The following KCTD19 variants were observed in gnomAD, a reference collection of about 807,000 sequenced individuals.
KCTD19 encodes the protein potassium channel tetramerization domain containing 19, also known as BTB/POZ domain-containing protein KCTD19.
Under a neutral mutation model 103.5 loss-of-function variants are expected in KCTD19, and 67 were observed. The ratio of observed to expected loss-of-function variants is 0.65; its 90% CI spans 0.53 to 0.79. KCTD19 has a LOEUF of 0.79. Among genes scored for constraint, KCTD19 ranks in the 30% least tolerant of loss-of-function variants. KCTD19 has a pLI of 0.00. For synonymous variants in KCTD19, 439 were observed against 452.2 expected (o/e 0.97, Z 0.37); for missense variants, 980 against 1,136.1 (o/e 0.86, Z 1.98).
chr16:67,294,011 T>C lies in KCTD19; in HGVS notation c.1751A>G (p.Asn584Ser). 1 of 1,614,098 alleles carries C rather than the reference T, an allele frequency of 6.2e-7. No individual in the cohort carries two copies. Among genetic ancestry groups the C allele is most frequent in the Admixed American group, 1.7e-5 (1 of 60,008 alleles). The change falls in exon 12 of 16, where the codon AAC becomes AGC. Residue 584 changes from asparagine to serine, a missense_variant. Asn to Ser is a conservative substitution (Grantham distance 46). Coordinates refer to ENST00000304372, the MANE Select transcript of KCTD19 (RefSeq NM_001100915.3). ...SLCRNAKRAG[N>S]PSTYSHCRGL... ...ACGGCAGTGTGAGTATGTGCTAGGG[T>C]TGCCAGCCCTCTTGGCATTTCGGCA... is the stretch of plus-strand genomic sequence containing the variant.
At chr16:67,304,373 G>A (rs760198569) in intron 3 of KCTD19, 48 bp downstream of exon 3, 1 of 1,595,634 alleles carries the variant, frequency 6.3e-7, no homozygotes, top group African/African-American at 1.3e-5. Context: ...GGTGAGGAGA[G>A]GGAAAGTTGG....
intron 4 of KCTD19, chr16:67,302,823 A>G (rs1039379754): frequency 4.1e-5 from 14 of 342,858 alleles, no homozygotes; most frequent in Non-Finnish European, 6.4e-5. Context: ...GGGCAGAGTA[A>G]GAAGAGAAGC....
At position 67,294,094 on chromosome 16, in the gene KCTD19, G is replaced by A; in HGVS notation, c.1668C>T (p.Val556=). 1.9e-6 allele frequency: 3 copies of A among 1,613,996 alleles called. No homozygotes were observed. The highest frequency in any genetic ancestry group is 2.5e-6 in the Non-Finnish European group (3 of 1,179,874). The change falls in exon 12 of 16, where the codon GTC becomes GTT. Residue 556 remains valine, a synonymous_variant. Transcript: ENST00000304372. ...TPWNKAKGNL[V]RSNQMDEAEQ... The stretch of plus-strand genomic sequence containing the variant: ...CAGCCTCATCCATCTGGTTGGACCT[G>A]ACCAGGTTTCCCTTAGCCTTGTTCC...
At chr16:67,324,126 C>T (rs528432889) in intron 1 of KCTD19, among the ~76,000 whole-genome samples, 3 of 150,886 alleles carry the variant, frequency 2.0e-5, no homozygotes, top group Non-Finnish European at 4.4e-5. Flanking sequence ...GTCATCTGTA[C>T]ATCTGTTGGA....
chr16:67,295,110 G>A (rs976551445), intron 9 of KCTD19, 54 bp from the exon 10 acceptor site: 2 of 1,574,392 alleles, frequency 1.3e-6, no homozygotes, highest in Non-Finnish European at 1.7e-6. Flanking sequence ...GGTGTGGGAG[G>A]GAGCATGAGC....
chr16:67,315,184 G>C (rs149024425), intron 2 of KCTD19, among the ~76,000 whole-genome samples: 1 of 151,954 alleles, frequency 6.6e-6, no homozygotes, highest in Non-Finnish European at 1.5e-5. Flanking sequence ...GGTTCTGCAA[G>C]ATCTGGCTTC....
rs780674291 is a variant in KCTD19 at position 67,299,329 on chromosome 16, G to C, written c.986+34C>G. On this transcript the variant is annotated intron_variant, in intron 6 of 15. Coordinates refer to ENST00000304372, the MANE Select transcript of KCTD19 (RefSeq NM_001100915.3). Reference sequence around the variant, plus strand: ...TAGAGGGAAGGGCAGAGCCAAGGGTGATGGGACTCAGTGTGCCCTAAGGAG... The same window carrying C: ...TAGAGGGAAGGGCAGAGCCAAGGGTCATGGGACTCAGTGTGCCCTAAGGAG... The C allele has an allele frequency of 5.5e-5, 88 of 1,594,594 alleles. No homozygotes were observed. The Middle Eastern group carries it at 1.0e-3, about 18-fold the overall frequency.
chr16:67,316,075 T>C (rs1432422972), intron 2 of KCTD19, among the ~76,000 whole-genome samples: 2 of 152,220 alleles, frequency 1.3e-5, no homozygotes, highest in Non-Finnish European at 2.9e-5. Flanking sequence ...AAGGTCTAGC[T>C]CTGTCACCCT....
In KCTD19 at chr16:67,293,960, C is replaced by T. The variant is rs769547268; in HGVS notation, c.1802G>A (p.Trp601Ter). The change falls in exon 12 of 16, where the codon TGG becomes TAG. Residue 601 changes from tryptophan (W) to a stop codon, truncating the protein, a stop_gained. Transcript: ENST00000304372. LOFTEE classifies it high-confidence loss of function. This position sits in a 1 kb window ranked among gnomAD's most constrained non-coding sequence, Gnocchi z 4.0. ...TGGGGGGCTCTCAGGGTGGCTCCCCCAGTGTCCAGGATTGGTACACAAGCC... is the reference window on the plus strand; with the variant it reads ...TGGGGGGCTCTCAGGGTGGCTCCCCTAGTGTCCAGGATTGGTACACAAGCC... ...CRGLCTNPGH[W>*]GSHPESPPKK... is the part of the protein sequence containing the mutation. 2.5e-6 allele frequency: 4 copies of T among 1,614,166 alleles called. No homozygotes were observed. The highest frequency in any genetic ancestry group is 3.4e-6 in the Non-Finnish European group (4 of 1,180,036).
chr16:67,304,574 G>A lies in KCTD19; in HGVS notation c.301-3C>T. Reference sequence around the variant, plus strand: ...CCTTCCTTCAGGTTATCTAGAGTCTGTTAGATAATGAAGAGTACTATCTTG... The same window carrying A: ...CCTTCCTTCAGGTTATCTAGAGTCTATTAGATAATGAAGAGTACTATCTTG... On this transcript the variant is annotated splice_polypyrimidine_tract_variant and splice_region_variant and intron_variant, in intron 2 of 15. Transcript: ENST00000304372. 1 of 1,611,394 alleles carries A rather than the reference G, an allele frequency of 6.2e-7. No homozygotes were observed. The highest frequency in any genetic ancestry group is 8.5e-7 in the Non-Finnish European group (1 of 1,177,648).
At chr16:67,325,791 C>G (rs899790622) in intron 1 of KCTD19, 1 of 152,274 alleles carries the variant, frequency 6.6e-6, no homozygotes, top group Non-Finnish European at 1.5e-5. Context: ...GGCTTCTTGC[C>G]GGACTGACTT....
At chr16:67,325,178 CTTTCTTTTTTTTCTTTTTTTCTTTT>C (rs2037123188) in intron 1 of KCTD19, among the ~76,000 whole-genome samples, 1 of 147,868 alleles carries the variant, frequency 6.8e-6, no homozygotes, top group Non-Finnish European at 1.5e-5. Context: ...TCTTTTCTTT[CTTTCTTTTTTTTCTTTTTTTCTTTT>C]TTTCTTTTTT....
chr16:67,304,405 G>A lies in KCTD19; in HGVS notation c.451+16C>T, dbSNP rs1374335605. 2 of 1,613,526 alleles carry A rather than the reference G, an allele frequency of 1.2e-6. No individual in the cohort carries two copies. The highest frequency in any genetic ancestry group is 1.7e-6 in the Non-Finnish European group (2 of 1,179,508). ...TTGGTGTGGGCTTTAGGGAGGGACAGCCTATCCCAATTCACCTGTAAAGGC... is the reference window on the plus strand; with the variant it reads ...TTGGTGTGGGCTTTAGGGAGGGACAACCTATCCCAATTCACCTGTAAAGGC... On this transcript the variant is annotated intron_variant, in intron 3 of 15. Transcript: ENST00000304372.
rs573597226 is a variant in KCTD19, at chr16:67,311,967, T to A, written c.301-7396A>T. 9.3e-4 allele frequency among the ~76,000 whole-genome samples: 141 copies of A among 152,318 alleles called. 1 individual carries two copies. The highest frequency in any genetic ancestry group is 3.2e-3 in the African/African-American group (133 of 41,556). On this transcript the variant is annotated intron_variant, in intron 2 of 15. Transcript: ENST00000304372. ...AGTCATAATCTCACATCATGAGTAA[T>A]GGGAAATGTGAGACTGCCACTGGTC...
chr16:67,326,517 C>T (rs1482487499), intron 1 of KCTD19, 188 bp downstream of exon 1: 2 of 665,298 alleles, frequency 3.0e-6, no homozygotes, highest in Non-Finnish European at 2.4e-6. Context: ...AACACTTCAT[C>T]CCTCAAGACA....
chr16:67,296,096 G>GC (rs2142504096), intron 8 of KCTD19, 63 bp downstream of exon 8: 3 of 952,744 alleles, frequency 3.1e-6, no homozygotes, highest in Admixed American at 3.4e-5. Flanking sequence ...CCAGGTGATG[G>GC]CCCCCAGAGC....
chr16:67,324,035 A>G (rs146673408), intron 1 of KCTD19, among the ~76,000 whole-genome samples: 4,376 of 152,264 alleles, frequency 0.029, 78 homozygotes, highest in Middle Eastern at 0.12. Flanking sequence ...AAAGATCACT[A>G]ACCTTCCTCA....
chr16:67,305,524 G>A, intron 2 of KCTD19: 1 of 440,732 alleles, frequency 2.3e-6, no homozygotes, highest in Non-Finnish European at 4.5e-6. Flanking sequence ...GGCTGAGGCT[G>A]GAGTGGAGCA....
intron 2 of KCTD19, among the ~76,000 whole-genome samples, chr16:67,308,321 C>T (rs992436585): frequency 3.9e-5 from 6 of 151,922 alleles, no homozygotes; most frequent in African/African-American, 7.3e-5. Context: ...TGCGCCGCAA[C>T]ACCCCATTAA....
Sources: gnomAD v4.1 joint callset for allele counts (sites outside exome capture counted in the v4.1 genomes callset) on GRCh38, gnomAD v4.1.1 for gene constraint, Gnocchi (gnomAD v3.1) non-coding constraint, MANE v1.5 for transcripts, NCBI Gene and HGNC (gene_info 2026-07-23, HGNC 2026-07-21) for gene names.